DPYS: variants seen among roughly 807,000 people sequenced by gnomAD.
DPYS encodes dihydropyrimidinase, also known as dihydropyrimidine amidohydrolase.
A neutral mutation model predicts 50.3 loss-of-function variants in DPYS; 39 were observed. That is an observed-to-expected ratio of 0.78 (90% confidence interval 0.60 to 1.01). The LOEUF (loss-of-function observed/expected upper bound fraction) is 1.01, where lower values mean the gene tolerates loss of function less well. DPYS is among the 50% of genes least tolerant of loss of function. The probability of loss-of-function intolerance (pLI) is 0.00; values close to 1 mark genes in which losing one functional copy is unlikely to be tolerated. For missense variants in DPYS, 659 were observed against 680.9 expected, an observed-to-expected ratio of 0.97 and a Z score of 0.36; for synonymous variants, 245 against 250.7, an observed-to-expected ratio of 0.98 and a Z score of 0.22.
At chr8:104,463,990 CAACT>C (rs1373288378) in intron 1 of DPYS, among the ~76,000 whole-genome samples, 1 of 152,268 alleles carries the variant, frequency 6.6e-6, no homozygotes, top group Admixed American at 6.5e-5. Context: ...GGGATCCAAC[CAACT>C]GACTCTGAAC....
intron 5 of DPYS, 58 bp downstream of exon 5, chr8:104,429,487 C>T (rs1435175025): frequency 1.2e-6 from 2 of 1,610,972 alleles, no homozygotes; most frequent in Admixed American, 3.3e-5. Flanking sequence ...GGACGAGCTC[C>T]CTTCTACCCA....
chr8:104,439,659 T>C (rs985052521), intron 4 of DPYS, among the ~76,000 whole-genome samples: 1 of 152,142 alleles, frequency 6.6e-6, no homozygotes, highest in African/African-American at 2.4e-5. Flanking sequence ...GTGGCTTACA[T>C]GAGTAGTCGC....
chr8:104,381,178 C>A lies in DPYS; in HGVS notation c.*14+6G>T. 6.2e-7 allele frequency: 1 copy of A among 1,609,054 alleles called. No individual in the cohort carries two copies. Reference sequence around the variant, plus strand: ...AGGAAGACTTTTCTTGCCTACAGTCCCTTACCGATGGCACACACTTCAGGG... The same window carrying A: ...AGGAAGACTTTTCTTGCCTACAGTCACTTACCGATGGCACACACTTCAGGG... On this transcript the variant is annotated splice_donor_region_variant and intron_variant, in intron 9 of 9. Transcript: ENST00000351513.
chr8:104,389,172 G>A (rs1468086823), intron 8 of DPYS, among the ~76,000 whole-genome samples: 1 of 152,230 alleles, frequency 6.6e-6, no homozygotes, highest in Non-Finnish European at 1.5e-5. Flanking sequence ...AGAATAGGAA[G>A]TGATTAATTT....
Position 104,428,132 on chromosome 8 carries a change from A to G in DPYS, c.951-11T>C, listed in dbSNP as rs765727562. On this transcript the variant is annotated splice_polypyrimidine_tract_variant and intron_variant, in intron 5 of 9. Coordinates refer to ENST00000351513, the MANE Select transcript of DPYS (RefSeq NM_001385.3). ...GTGGTTAGATCATCACTGTAAAAGA[A>G]AAAACACGAGAGTGATGGGGTGAGT... is the stretch of plus-strand genomic sequence containing the variant. 12 of 1,614,246 alleles carry G rather than the reference A, an allele frequency of 7.4e-6. No homozygotes were observed. Among genetic ancestry groups the G allele is most frequent in the Non-Finnish European group, 1.0e-5 (12 of 1,180,032 alleles).
At chr8:104,413,952 T>G (rs148915530) in intron 7 of DPYS, among the ~76,000 whole-genome samples, 180 of 152,182 alleles carry the variant, frequency 1.2e-3, no homozygotes, top group Middle Eastern at 0.01. Context: ...GGCCTAAGGA[T>G]CTGGTGAAGA....
Position 104,381,321 on chromosome 8 carries a change from G to A in DPYS, c.1444-7C>T. The A allele has an allele frequency of 1.2e-6, 2 of 1,612,530 alleles. No homozygotes were observed. The highest frequency in any genetic ancestry group is 1.6e-4 in the Middle Eastern group (1 of 6,062). On this transcript the variant is annotated splice_region_variant and splice_polypyrimidine_tract_variant and intron_variant, in intron 8 of 9. Transcript: ENST00000351513. ...CAGGGGTAGGTGTGCAAGTCTGAAA[G>A]AGAACATTTCATTTCTCTCTTGTGG...
At chr8:104,418,934 G>A (rs973891946) in intron 7 of DPYS, 15 of 875,148 alleles carry the variant, frequency 1.7e-5, no homozygotes, top group African/African-American at 3.6e-5. Flanking sequence ...CTCAGCCTGC[G>A]GCTTGCCGAG....
chr8:104,387,337 CAATA>C (rs199827260), intron 8 of DPYS, among the ~76,000 whole-genome samples: 6 of 151,784 alleles, frequency 4.0e-5, no homozygotes, highest in Admixed American at 6.6e-5. Context: ...GATTTTGAAG[CAATA>C]AATAAATAAA....
intron 1 of DPYS, among the ~76,000 whole-genome samples, chr8:104,458,033 T>C (rs1172810509): frequency 1.3e-5 from 2 of 151,890 alleles, no homozygotes; most frequent in Admixed American, 6.6e-5. Context: ...AGTGAAGAAA[T>C]GAGAAGGGAG....
intron 7 of DPYS, among the ~76,000 whole-genome samples, chr8:104,407,438 T>C (rs911442028): frequency 3.3e-5 from 5 of 151,986 alleles, no homozygotes; most frequent in Non-Finnish European, 7.4e-5. Flanking sequence ...AGGAAAACAT[T>C]AGAAAAAAGG....
At chr8:104,379,867 C>T (rs1365398355) in intron 9 of DPYS, 24 bp from the exon 10 acceptor site, 2 of 456,086 alleles carry the variant, frequency 4.4e-6, no homozygotes, top group Non-Finnish European at 8.8e-6. Flanking sequence ...GAAAGGAACT[C>T]ACTGTAACAT....
chr8:104,464,593 G>A (rs938933325), intron 1 of DPYS, among the ~76,000 whole-genome samples: 1 of 152,200 alleles, frequency 6.6e-6, no homozygotes, highest in Non-Finnish European at 1.5e-5. Context: ...TGATAAGTCT[G>A]TAATAACAGA....
chr8:104,451,540 T>A (rs1322576626), intron 1 of DPYS, 136 bp from the exon 2 acceptor site: 11 of 1,034,746 alleles, frequency 1.1e-5, no homozygotes, highest in Admixed American at 2.0e-5. Context: ...ATGCTGCCTG[T>A]TTAAATGACC....
At chr8:104,426,333 T>C (rs1217996980) in intron 6 of DPYS, among the ~76,000 whole-genome samples, 2 of 152,128 alleles carry the variant, frequency 1.3e-5, no homozygotes, top group Non-Finnish European at 2.9e-5. Flanking sequence ...GTAAAAATAA[T>C]AATAAAAGCA....
intron 3 of DPYS, among the ~76,000 whole-genome samples, chr8:104,446,891 G>A (rs1478777826): frequency 1.3e-5 from 2 of 152,138 alleles, no homozygotes; most frequent in African/African-American, 4.8e-5. Flanking sequence ...AAAGAGCAGG[G>A]CTTTAAACAG....
rs147843180 is a variant in DPYS at position 104,425,497 on chromosome 8, G to A, written c.1093-1108C>T. 2.2e-3 allele frequency among the ~76,000 whole-genome samples: 335 copies of A among 151,964 alleles called. 1 individual carries two copies. Among genetic ancestry groups the A allele is most frequent in the Non-Finnish European group, 3.4e-3 (229 of 67,918 alleles). On this transcript the variant is annotated intron_variant, in intron 6 of 9. Transcript: ENST00000351513. ...CCTGGCTAATTTTTTATAGAGATGG[G>A]GTTTCACCATGTTGCCCAGGCTGGT...
At chr8:104,459,819 G>T (rs146336450) in intron 1 of DPYS, among the ~76,000 whole-genome samples, 3 of 152,096 alleles carry the variant, frequency 2.0e-5, no homozygotes, top group South Asian at 2.1e-4. Context: ...TCACAAAACT[G>T]TCATATGTCC....
chr8:104,428,980 G>A (rs1008943363), intron 5 of DPYS, among the ~76,000 whole-genome samples: 1 of 151,982 alleles, frequency 6.6e-6, no homozygotes, highest in African/African-American at 2.4e-5. Context: ...ACAGGCATAA[G>A]CCACCACGCC....
Sources: gnomAD v4.1 joint callset for allele counts (sites outside exome capture counted in the v4.1 genomes callset) on GRCh38, gnomAD v4.1.1 for gene constraint, MANE v1.5 for transcripts, NCBI Gene and HGNC (gene_info 2026-07-23, HGNC 2026-07-21) for gene names.